BBX: variants seen among roughly 807,000 people sequenced by gnomAD.
BBX encodes HMG box transcription factor BBX.
A neutral mutation model predicts 100.2 loss-of-function variants in BBX; 30 were observed. That is an observed-to-expected ratio of 0.30 (90% CI 0.22 to 0.41). BBX has a LOEUF of 0.41. BBX is among the 10% of genes least tolerant of loss of function. The pLI is 1.00. For synonymous variants in BBX, 376 were observed against 388.1 expected (o/e 0.97, Z 0.37); for missense variants, 1,023 against 1,129.8 (o/e 0.91, Z 1.35).
intron 2 of BBX, among the ~76,000 whole-genome samples, chr3:107,608,644 T>C (rs1378743378): frequency 6.6e-6 from 1 of 152,186 alleles, no homozygotes; most frequent in Admixed American, 6.5e-5. Flanking sequence ...AATCCGTAGA[T>C]TGCTTGGGTA....
chr3:107,721,471 C>T (rs2062523216), intron 5 of BBX, among the ~76,000 whole-genome samples: 2 of 151,882 alleles, frequency 1.3e-5, no homozygotes, highest in South Asian at 2.1e-4. Context: ...AAATGGCTTA[C>T]ACTTTTTGAG....
At chr3:107,711,729 T>C (rs561839069) in intron 4 of BBX, among the ~76,000 whole-genome samples, 125 of 152,322 alleles carry the variant, frequency 8.2e-4, no homozygotes, top group African/African-American at 2.9e-3. Context: ...GAGGGTATTA[T>C]CAAGCTTGTA....
intron 3 of BBX, among the ~76,000 whole-genome samples, chr3:107,692,509 A>C (rs1447288703): frequency 1.3e-5 from 2 of 152,150 alleles, no homozygotes; most frequent in African/African-American, 4.8e-5. Context: ...CCATGTCCCT[A>C]CAAAGGACAT....
intron 10 of BBX, 78 bp downstream of exon 10, chr3:107,755,756 C>T: frequency 1.7e-6 from 2 of 1,197,042 alleles, no homozygotes; most frequent in East Asian, 4.7e-5. Context: ...TTTCCCTAAA[C>T]TGTACCATCT....
chr3:107,548,985 TA>T (rs1480747505), intron 2 of BBX, among the ~76,000 whole-genome samples: 1 of 152,122 alleles, frequency 6.6e-6, no homozygotes. Context: ...CCCTGGGGAC[TA>T]TTAGATGGGG....
At chr3:107,558,632 G>C (rs955975711) in intron 2 of BBX, among the ~76,000 whole-genome samples, 1 of 152,188 alleles carries the variant, frequency 6.6e-6, no homozygotes, top group Non-Finnish European at 1.5e-5. Flanking sequence ...GCAGCTGTGA[G>C]CTGATAGCAT....
chr3:107,726,114 G>A lies in BBX; in HGVS notation c.406-2651G>A, dbSNP rs868451916. ...AACGGCATGCTAATAAGTTCACTCA[G>A]CTGTTCGCTTCAGAGGAGTATACAG... is the stretch of plus-strand genomic sequence containing the variant. On this transcript the variant is annotated intron_variant, in intron 5 of 17. Transcript: ENST00000325805. Among the ~76,000 whole-genome samples, 5 of 152,074 alleles carry A rather than the reference G, an allele frequency of 3.3e-5. No homozygotes were observed. The Middle Eastern group carries it at 0.01, about 310-fold the overall frequency.
intron 16 of BBX, among the ~76,000 whole-genome samples, chr3:107,800,461 T>C (rs989292295): frequency 4.6e-5 from 7 of 152,254 alleles, no homozygotes; most frequent in African/African-American, 1.7e-4. Flanking sequence ...AAAATTTCCC[T>C]TCTCTATAAT....
chr3:107,606,844 T>C (rs1205931640), intron 2 of BBX, among the ~76,000 whole-genome samples: 1 of 152,204 alleles, frequency 6.6e-6, no homozygotes, highest in Non-Finnish European at 1.5e-5. Flanking sequence ...GATTAAATTA[T>C]TGACTATAGT....
At chr3:107,785,541 G>A (rs1378481499) in intron 13 of BBX, among the ~76,000 whole-genome samples, 2 of 151,794 alleles carry the variant, frequency 1.3e-5, no homozygotes, top group Non-Finnish European at 2.9e-5. Flanking sequence ...AAACCAATTA[G>A]TGTAACATAC....
At chr3:107,700,595 C>A in intron 3 of BBX, among the ~76,000 whole-genome samples, 2 of 129,652 alleles carry the variant, frequency 1.5e-5, no homozygotes, top group South Asian at 3.1e-4. Context: ...CCCCTCCCCC[C>A]ACCCCACAAC....
intron 2 of BBX, among the ~76,000 whole-genome samples, chr3:107,626,207 G>GA (rs1355122210): frequency 6.6e-6 from 1 of 152,132 alleles, no homozygotes; most frequent in Non-Finnish European, 1.5e-5. Flanking sequence ...TGGGTGACTG[G>GA]AAAATCTGAG....
chr3:107,757,744 A>G (rs1225149196), intron 10 of BBX, among the ~76,000 whole-genome samples: 1 of 152,196 alleles, frequency 6.6e-6, no homozygotes, highest in East Asian at 1.9e-4. Flanking sequence ...TGTACTTGAT[A>G]TTCATTTTTC....
chr3:107,544,733 T>C (rs886404648), intron 2 of BBX, among the ~76,000 whole-genome samples: 1 of 148,906 alleles, frequency 6.7e-6, no homozygotes, highest in Non-Finnish European at 1.5e-5. Context: ...TGACTGGGCA[T>C]GGTGGCTCAC....
In BBX at chr3:107,735,102, A is replaced by T. The variant is rs548958648; in HGVS notation, c.669+2079A>T. Among the ~76,000 whole-genome samples the T allele has an allele frequency of 2.0e-5, 3 of 152,260 alleles. No individual in the cohort carries two copies. The South Asian group carries it at 6.2e-4, about 32-fold the overall frequency. ...TATTGAAAATAGTCTTGAGATATTT[A>T]AACAGTGAAAGTTGTATAAAATAAT... On this transcript the variant is annotated intron_variant, in intron 7 of 17. Coordinates refer to ENST00000325805, the MANE Select transcript of BBX (RefSeq NM_001142568.3).
intron 5 of BBX, among the ~76,000 whole-genome samples, chr3:107,717,863 C>T (rs994745604): frequency 1.3e-5 from 2 of 151,972 alleles, no homozygotes; most frequent in Non-Finnish European, 2.9e-5. Context: ...ATTTCCTCAG[C>T]GTTGCAACTT....
Position 107,805,891 on chromosome 3 carries a change from T to C in BBX, c.*434T>C, listed in dbSNP as rs1344137282. 1 of 164,832 alleles carries C rather than the reference T, an allele frequency of 6.1e-6. No individual in the cohort carries two copies. The highest frequency in any genetic ancestry group is 1.3e-5 in the Non-Finnish European group (1 of 76,286). 10.2% of individuals were successfully genotyped at this position (164,832 alleles called of 1,614,324 possible). On this transcript the variant is annotated 3_prime_UTR_variant, in exon 18 of 18. Transcript: ENST00000325805. ...ACTGACGCACTGCACTAGTTATTAT[T>C]AGATATTCTTAGTCTTTTTTGTACA...
chr3:107,709,248 G>A (rs2061570681), intron 3 of BBX, among the ~76,000 whole-genome samples: 1 of 152,142 alleles, frequency 6.6e-6, no homozygotes, highest in African/African-American at 2.4e-5. Flanking sequence ...GAAAACATTG[G>A]TGAATAATTT....
At chr3:107,748,823 G>A (rs1159354821) in intron 9 of BBX, among the ~76,000 whole-genome samples, 1 of 152,068 alleles carries the variant, frequency 6.6e-6, no homozygotes, top group Non-Finnish European at 1.5e-5. Context: ...TTTTTATAGG[G>A]TTGAGAGAAA....
Sources: gnomAD v4.1 joint callset for allele counts (sites outside exome capture counted in the v4.1 genomes callset) on GRCh38, gnomAD v4.1.1 for gene constraint, MANE v1.5 for transcripts, NCBI Gene and HGNC (gene_info 2026-07-23, HGNC 2026-07-21) for gene names.